Variants in LONRF3 observed in about 807,000 individuals in gnomAD.
LONRF3 encodes the protein LON peptidase N-terminal domain and ring finger 3, also known as LON peptidase N-terminal domain and RING finger protein 3.
A neutral mutation model predicts 51.7 loss-of-function variants in LONRF3; 19 were observed. The observed-to-expected ratio is 0.37, with a 90% CI of 0.26 to 0.54. The LOEUF (loss-of-function observed/expected upper bound fraction) is 0.54, where lower values mean the gene tolerates loss of function less well. Ranked by LOEUF, LONRF3 falls within the 20% of genes least tolerant of loss-of-function variation. The probability of loss-of-function intolerance (pLI) is 0.86; values close to 1 mark genes in which losing one functional copy is unlikely to be tolerated. For synonymous variants in LONRF3, 265 were observed against 257.8 expected (o/e 1.03, Z -0.27); for missense variants, 521 against 623.9 (o/e 0.84, Z 1.76).
At chrX:119,004,439 G>A (rs1287796562) in intron 5 of LONRF3, among the ~76,000 whole-genome samples, 2 of 112,428 alleles carry the variant, frequency 1.8e-5, no homozygotes, top group Non-Finnish European at 3.8e-5. Context: ...TGCTCCACAC[G>A]TAACTGATAT....
At chrX:119,003,581 C>G (rs1048146589) in intron 5 of LONRF3, among the ~76,000 whole-genome samples, 2 of 112,265 alleles carry the variant, frequency 1.8e-5, no homozygotes, top group Admixed American at 1.9e-4. Context: ...CTGTTCTGTT[C>G]CCCGAGTCTA....
At chrX:119,015,655 G>A (rs967417822) in intron 10 of LONRF3, among the ~76,000 whole-genome samples, 2 of 112,347 alleles carry the variant, frequency 1.8e-5, no homozygotes, top group Non-Finnish European at 3.8e-5. Context: ...TTAGGCAAAA[G>A]ATACAGATCA....
chrX:118,974,852 G>A lies in LONRF3; in HGVS notation c.72G>A (p.Ala24=). ...TCAGCAGCGACAACTTGGAGTCGGC[G>A]GAGCGAGGGGCATCAGCGGCCCAAG... is the stretch of plus-strand genomic sequence containing the variant. ...AEVSSDNLES[A]ERGASAAQVD... is the part of the protein sequence containing the mutation. The change falls in exon 1 of 11, where the codon GCG becomes GCA. Residue 24 remains alanine, a synonymous_variant. Coordinates refer to ENST00000371628, the MANE Select transcript of LONRF3 (RefSeq NM_001031855.3). 3 of 1,207,612 alleles carry A rather than the reference G, an allele frequency of 2.5e-6. No homozygotes were observed. In the South Asian group the frequency reaches 5.3e-5, roughly 22 times the overall value.
intron 5 of LONRF3, among the ~76,000 whole-genome samples, chrX:118,997,028 G>T (rs2147287749): frequency 9.1e-6 from 1 of 110,288 alleles, no homozygotes; most frequent in South Asian, 3.9e-4. Context: ...TGGATGGGTA[G>T]AATCAATACT....
chrX:119,007,546 A>G (rs1046215517), intron 6 of LONRF3, among the ~76,000 whole-genome samples: 2 of 112,514 alleles, frequency 1.8e-5, no homozygotes, highest in Admixed American at 1.9e-4. Flanking sequence ...CTTATCTGCC[A>G]CATTTTACAA....
intron 3 of LONRF3, among the ~76,000 whole-genome samples, chrX:118,984,504 G>C (rs1030830978): frequency 8.9e-6 from 1 of 112,106 alleles, no homozygotes; most frequent in Non-Finnish European, 1.9e-5. Context: ...GCTAGCCTGA[G>C]ATGTTTTTGG....
chrX:119,002,680 C>G (rs1010175001), intron 5 of LONRF3, among the ~76,000 whole-genome samples: 1 of 112,104 alleles, frequency 8.9e-6, no homozygotes, highest in Non-Finnish European at 1.9e-5. Flanking sequence ...TATGTATGCT[C>G]TAGATACAAG....
chrX:118,998,414 A>G (rs1422119655), intron 5 of LONRF3, among the ~76,000 whole-genome samples: 1 of 110,918 alleles, frequency 9.0e-6, no homozygotes, highest in Non-Finnish European at 1.9e-5. Context: ...AGCTATAAGG[A>G]TGCAAAGGCA....
chrX:119,013,762 G>A (rs192941889), intron 9 of LONRF3, among the ~76,000 whole-genome samples: 17 of 112,011 alleles, frequency 1.5e-4, no homozygotes, highest in African/African-American at 5.5e-4. Context: ...TTGTTACATA[G>A]TAGATTAATA....
intron 5 of LONRF3, among the ~76,000 whole-genome samples, chrX:119,004,216 T>C (rs1390787452): frequency 1.8e-5 from 2 of 111,952 alleles, no homozygotes; most frequent in African/African-American, 6.5e-5. Flanking sequence ...ATAACTAAAA[T>C]TTATTAGTTT....
chrX:118,987,445 GTTTTTT>G (rs369180848), intron 3 of LONRF3, among the ~76,000 whole-genome samples: 5 of 32,304 alleles, frequency 1.5e-4, no homozygotes, highest in African/African-American at 7.7e-4. Flanking sequence ...GCCTGGCTAA[GTTTTTT>G]TTTTTTTTTT....
At chrX:118,994,736 A>G (rs1160977127) in intron 5 of LONRF3, among the ~76,000 whole-genome samples, 1 of 111,998 alleles carries the variant, frequency 8.9e-6, no homozygotes, top group African/African-American at 3.3e-5. Context: ...GTTAAAAGAG[A>G]CAAAGAGGGA....
Position 119,018,186 on chromosome X carries a change from T to G in LONRF3, c.*496T>G, listed in dbSNP as rs972851187. ...TAATAATTTATTTTTTGCACTACTG[T>G]ATCCTTTTTTCTACATGTATGTTTG... On this transcript the variant is annotated 3_prime_UTR_variant, in exon 11 of 11. Transcript: ENST00000371628. 4 of 112,812 alleles carry G rather than the reference T, an allele frequency of 3.5e-5. No individual in the cohort carries two copies. Among genetic ancestry groups the G allele is most frequent in the African/African-American group, 1.3e-4 (4 of 31,016 alleles). 9.3% of individuals were successfully genotyped at this position (112,812 alleles called of 1,213,427 possible).
chrX:118,989,707 G>A, intron 4 of LONRF3, 35 bp downstream of exon 4: 2 of 1,180,623 alleles, frequency 1.7e-6, no homozygotes, highest in African/African-American at 1.8e-5. Context: ...GTAGCTTGGA[G>A]GAGATCCCCG....
intron 5 of LONRF3, among the ~76,000 whole-genome samples, chrX:118,997,888 T>C (rs1357358411): frequency 5.3e-5 from 6 of 112,765 alleles, no homozygotes; most frequent in African/African-American, 1.6e-4. Context: ...GCATCACTAA[T>C]GATCAGGAAA....
chrX:119,003,251 T>A, intron 5 of LONRF3, among the ~76,000 whole-genome samples: 1 of 111,496 alleles, frequency 9.0e-6, no homozygotes, highest in South Asian at 3.8e-4. Flanking sequence ...AAACTCCTGG[T>A]CTCAAGCAAT....
At chrX:118,996,554 T>C (rs962223056) in intron 5 of LONRF3, among the ~76,000 whole-genome samples, 1 of 111,371 alleles carries the variant, frequency 9.0e-6, no homozygotes, top group Non-Finnish European at 1.9e-5. Flanking sequence ...AAGATCCCCT[T>C]TTACAATAGC....
At chrX:118,976,479 C>T (rs762820627) in intron 1 of LONRF3, 56 of 113,456 alleles carry the variant, frequency 4.9e-4, no homozygotes, top group African/African-American at 1.8e-3. Context: ...GCCCTCGCCT[C>T]CAACCCCTTT....
chrX:118,974,625 G>C lies in LONRF3; in HGVS notation c.-156G>C. 2.2e-6 allele frequency: 1 copy of C among 459,216 alleles called. No individual in the cohort carries two copies. Among genetic ancestry groups the C allele is most frequent in the Non-Finnish European group, 3.8e-6 (1 of 263,256 alleles). The allele number at this position is 459,216 out of a possible 1,213,427, so 37.8% of individuals were successfully genotyped here. On this transcript the variant is annotated 5_prime_UTR_variant, in exon 1 of 11. Coordinates refer to ENST00000371628, the MANE Select transcript of LONRF3 (RefSeq NM_001031855.3). ...TGCTGAGACAAGACAGTTATTAGGC[G>C]GCGCGGGGCGGCCGGCATGGAGCTC...
Sources: allele counts gnomAD v4.1 joint callset (sites outside exome capture counted in the v4.1 genomes callset), GRCh38; gene constraint gnomAD v4.1.1; transcripts MANE v1.5; gene names NCBI Gene and HGNC (gene_info 2026-07-23, HGNC 2026-07-21).